Variants in PPM1H observed in about 807,000 individuals in gnomAD.
PPM1H encodes protein phosphatase, Mg2+/Mn2+ dependent 1H, also known as protein phosphatase 1H.
Under a neutral mutation model 54.9 loss-of-function variants are expected in PPM1H, and 27 were observed. The ratio of observed to expected loss-of-function variants is 0.49; its 90% CI spans 0.36 to 0.68. The LOEUF is 0.68. Ranked by LOEUF, PPM1H falls within the 30% of genes least tolerant of loss-of-function variation. The pLI, the probability that PPM1H is intolerant of heterozygous loss-of-function variation, is 0.00. For missense variants in PPM1H, 596 were observed against 667.8 expected, an observed-to-expected ratio of 0.89 and a Z score of 1.19; for synonymous variants, 305 against 270.8, an observed-to-expected ratio of 1.13 and a Z score of -1.24.
At chr12:62,868,373 A>G (rs2120994749) in intron 1 of PPM1H, among the ~76,000 whole-genome samples, 1 of 152,290 alleles carries the variant, frequency 6.6e-6, no homozygotes, top group Admixed American at 6.5e-5. Flanking sequence ...GCCATCCACA[A>G]AGCCTTCCCT....
Position 62,695,564 on chromosome 12 carries a change from G to A in PPM1H, c.1074-1565C>T, listed in dbSNP as rs547580426. On this transcript the variant is annotated intron_variant, in intron 6 of 9. Transcript: ENST00000228705. ...CAAATCTACCAAACTAACACAAAGT[G>A]GAAATAACCACTTTGATGTTTTTAC... Among the ~76,000 whole-genome samples the A allele has an allele frequency of 5.9e-5, 9 of 152,110 alleles. No individual in the cohort carries two copies. In the South Asian group the frequency reaches 1.5e-3, roughly 25 times the overall value.
At chr12:62,683,600 C>T (rs544090705) in intron 8 of PPM1H, among the ~76,000 whole-genome samples, 1 of 152,118 alleles carries the variant, frequency 6.6e-6, no homozygotes, top group South Asian at 2.1e-4. Flanking sequence ...ATAAAAAATA[C>T]CTGATAGGAA....
intron 2 of PPM1H, among the ~76,000 whole-genome samples, chr12:62,807,226 G>C (rs2076809911): frequency 6.6e-6 from 1 of 151,972 alleles, no homozygotes; most frequent in South Asian, 2.1e-4. Flanking sequence ...TTTAGCATAA[G>C]TGTAACAAAA....
intron 9 of PPM1H, among the ~76,000 whole-genome samples, chr12:62,652,672 AT>A (rs1178829026): frequency 6.6e-6 from 1 of 152,212 alleles, no homozygotes; most frequent in South Asian, 2.1e-4. Context: ...TTTTTAGTAT[AT>A]AAGTTAATCG....
intron 4 of PPM1H, among the ~76,000 whole-genome samples, chr12:62,769,665 G>C (rs901903834): frequency 1.3e-5 from 2 of 152,128 alleles, no homozygotes; most frequent in Admixed American, 1.3e-4. Context: ...AAACCCTGAG[G>C]GACTGTTGAT....
chr12:62,735,063 C>A (rs1199767568), intron 5 of PPM1H, among the ~76,000 whole-genome samples: 3 of 151,908 alleles, frequency 2.0e-5, no homozygotes, highest in Non-Finnish European at 4.4e-5. Flanking sequence ...AACAAAAAAA[C>A]AACGGAAGGT....
At chr12:62,826,792 T>C (rs547160591) in intron 2 of PPM1H, among the ~76,000 whole-genome samples, 1 of 152,366 alleles carries the variant, frequency 6.6e-6, no homozygotes, top group East Asian at 1.9e-4. Context: ...TCATGCATCT[T>C]CGGTTTGCCA....
intron 4 of PPM1H, among the ~76,000 whole-genome samples, chr12:62,742,263 C>G (rs7308302): frequency 6.6e-6 from 1 of 152,014 alleles, no homozygotes; most frequent in South Asian, 2.1e-4. Context: ...TTTTCACTTC[C>G]GTTTGAACTA....
chr12:62,897,436 C>CA (rs749070618), intron 1 of PPM1H, among the ~76,000 whole-genome samples: 4 of 151,982 alleles, frequency 2.6e-5, no homozygotes, highest in Non-Finnish European at 5.9e-5. Flanking sequence ...AATTCAACAC[C>CA]AAATCTTTAA....
At chr12:62,887,447 C>G (rs188057201) in intron 1 of PPM1H, among the ~76,000 whole-genome samples, 51 of 152,278 alleles carry the variant, frequency 3.3e-4, no homozygotes, top group Admixed American at 2.7e-3. Flanking sequence ...TGACAATTGC[C>G]AATGCTTATT....
chr12:62,645,810 C>G lies in PPM1H; in HGVS notation c.*2679G>C, dbSNP rs1266334535. The G allele has an allele frequency of 1.3e-5, 2 of 152,192 alleles. No homozygotes were observed. The highest frequency in any genetic ancestry group is 1.9e-4 in the East Asian group (1 of 5,184). 9.4% of individuals were successfully genotyped at this position (152,192 alleles called of 1,614,324 possible). On this transcript the variant is annotated 3_prime_UTR_variant, in exon 10 of 10. Transcript: ENST00000228705. ...CGAGCAAGCAGATTTGGCTATAAGT[C>G]AGATACGCAAGATTTCTGAACCATG...
intron 6 of PPM1H, among the ~76,000 whole-genome samples, chr12:62,709,624 C>T (rs187248041): frequency 6.5e-4 from 99 of 152,304 alleles, no homozygotes; most frequent in African/African-American, 2.2e-3. Context: ...CTACTCCCTC[C>T]ACCACAGCCA....
chr12:62,842,404 A>G (rs1227360637), intron 1 of PPM1H, among the ~76,000 whole-genome samples: 1 of 152,240 alleles, frequency 6.6e-6, no homozygotes, highest in Non-Finnish European at 1.5e-5. Context: ...TCAGTTTCAA[A>G]TGTGTAATTT....
At chr12:62,666,627 G>A (rs2075918899) in intron 9 of PPM1H, among the ~76,000 whole-genome samples, 1 of 152,136 alleles carries the variant, frequency 6.6e-6, no homozygotes, top group Non-Finnish European at 1.5e-5. Context: ...AAGGTATGCC[G>A]CTGAAATGCC....
intron 1 of PPM1H, among the ~76,000 whole-genome samples, chr12:62,899,993 G>C (rs1434213938): frequency 6.6e-6 from 1 of 152,186 alleles, no homozygotes; most frequent in Non-Finnish European, 1.5e-5. Context: ...GACACAATAG[G>C]AAGTCTGCAG....
At chr12:62,890,963 G>T (rs1870772738) in intron 1 of PPM1H, among the ~76,000 whole-genome samples, 1 of 151,814 alleles carries the variant, frequency 6.6e-6, no homozygotes, top group Non-Finnish European at 1.5e-5. Flanking sequence ...ATCAAAATTA[G>T]CCGGGCGTGG....
At chr12:62,914,099 G>T (rs1871546641) in intron 1 of PPM1H, among the ~76,000 whole-genome samples, 1 of 152,286 alleles carries the variant, frequency 6.6e-6, no homozygotes, top group Non-Finnish European at 1.5e-5. Flanking sequence ...GTTGAAATTG[G>T]AGCCTAGTGG....
intron 1 of PPM1H, chr12:62,840,137 A>C (rs1368575883): frequency 6.6e-6 from 1 of 151,752 alleles, no homozygotes; most frequent in Non-Finnish European, 1.5e-5. Context: ...GTGGCTTGTA[A>C]ATTTCTCACA....
At chr12:62,840,775 A>G (rs61922306) in intron 1 of PPM1H, among the ~76,000 whole-genome samples, 9,249 of 152,294 alleles carry the variant, frequency 0.061, 342 homozygotes, top group African/African-American at 0.11. Context: ...TATTCTATTC[A>G]GCCTATAACC....
Sources: gnomAD v4.1 joint callset for allele counts (sites outside exome capture counted in the v4.1 genomes callset) on GRCh38, gnomAD v4.1.1 for gene constraint, MANE v1.5 for transcripts, NCBI Gene and HGNC (gene_info 2026-07-23, HGNC 2026-07-21) for gene names.